SLC14A2: variants seen among roughly 807,000 people sequenced by gnomAD.
SLC14A2 encodes the protein urea transporter 2.
A neutral mutation model predicts 104.6 loss-of-function variants in SLC14A2; 91 were observed. That is an observed-to-expected ratio of 0.87 (90% CI 0.73 to 1.04). SLC14A2 has a LOEUF of 1.04. Among genes scored for constraint, SLC14A2 ranks in the 50% least tolerant of loss-of-function variants. The pLI, the probability that SLC14A2 is intolerant of heterozygous loss-of-function variation, is 0.00. For synonymous variants in SLC14A2, 476 were observed against 466.4 expected (o/e 1.02, Z -0.27); for missense variants, 1,189 against 1,156.0 (o/e 1.03, Z -0.41).
chr18:45,239,793 T>C (rs1358627230), intron 1 of SLC14A2, among the ~76,000 whole-genome samples: 1 of 152,154 alleles, frequency 6.6e-6, no homozygotes, highest in African/African-American at 2.4e-5. Flanking sequence ...AACATTCCAA[T>C]AGGAGCTAAC....
intron 1 of SLC14A2, among the ~76,000 whole-genome samples, chr18:45,324,943 G>A (rs909351247): frequency 2.6e-5 from 4 of 152,108 alleles, no homozygotes; most frequent in Admixed American, 6.5e-5. Flanking sequence ...CGGGACCTGC[G>A]GTGCGTTTTT....
chr18:45,493,211 G>A (rs528697036), intron 2 of SLC14A2: 1 of 152,322 alleles, frequency 6.6e-6, no homozygotes, highest in East Asian at 1.9e-4. Context: ...TTTTGTTGAA[G>A]ACAGACCTTA....
At chr18:45,465,478 T>C (rs904103739) in intron 1 of SLC14A2, among the ~76,000 whole-genome samples, 1 of 152,232 alleles carries the variant, frequency 6.6e-6, no homozygotes, top group South Asian at 2.1e-4. Flanking sequence ...TAGTCCATGA[T>C]GGAGGTGATC....
chr18:45,679,384 T>A (rs564402999), intron 19 of SLC14A2, among the ~76,000 whole-genome samples: 3 of 152,240 alleles, frequency 2.0e-5, no homozygotes, highest in Admixed American at 6.5e-5. Flanking sequence ...CCAGCATATA[T>A]CTTTGCCCCA....
chr18:45,560,578 CT>C (rs2044187925), intron 2 of SLC14A2, among the ~76,000 whole-genome samples: 1 of 152,162 alleles, frequency 6.6e-6, no homozygotes, highest in Admixed American at 6.5e-5. Flanking sequence ...AAACAATCCC[CT>C]TGCATTCTAA....
At chr18:45,336,855 A>G (rs1027883919) in intron 1 of SLC14A2, among the ~76,000 whole-genome samples, 1 of 152,140 alleles carries the variant, frequency 6.6e-6, no homozygotes, top group African/African-American at 2.4e-5. Context: ...CTCAAGGTCT[A>G]TTGGTTCAGG....
At chr18:45,276,546 A>G (rs1214392876) in intron 1 of SLC14A2, among the ~76,000 whole-genome samples, 2 of 152,230 alleles carry the variant, frequency 1.3e-5, no homozygotes, top group African/African-American at 4.8e-5. Context: ...CAGGAACATC[A>G]TTGATATCTG....
intron 4 of SLC14A2, among the ~76,000 whole-genome samples, chr18:45,628,331 C>G (rs2045293303): frequency 6.6e-6 from 1 of 151,690 alleles, no homozygotes; most frequent in South Asian, 2.1e-4. Flanking sequence ...GTTGTCCCAG[C>G]TACTTGGGAG....
At chr18:45,202,572 G>A in the SLC14A2 span, among the ~76,000 whole-genome samples, 8 of 152,268 alleles carry the variant, frequency 5.3e-5, no homozygotes, top group Non-Finnish European at 8.8e-5. Flanking sequence ...GGAGGAGAAT[G>A]AAATGAGGAT....
At chr18:45,180,760 T>A in the SLC14A2 span, among the ~76,000 whole-genome samples, 1 of 152,206 alleles carries the variant, frequency 6.6e-6, no homozygotes, top group Non-Finnish European at 1.5e-5. Flanking sequence ...AGTGAAATGA[T>A]ATTTTTGAAA....
At chr18:45,368,964 A>C (rs745957409) in intron 1 of SLC14A2, among the ~76,000 whole-genome samples, 60 of 152,346 alleles carry the variant, frequency 3.9e-4, no homozygotes, top group Non-Finnish European at 7.5e-4. Context: ...AGCCAAGAAG[A>C]AGCTCAGCAA....
chr18:45,539,732 C>T (rs2043856327), intron 2 of SLC14A2, among the ~76,000 whole-genome samples: 2 of 152,020 alleles, frequency 1.3e-5, no homozygotes, highest in African/African-American at 2.4e-5. Context: ...TTACATGTGA[C>T]GAAACCTTGC....
Position 45,669,410 on chromosome 18 carries a change from G to A in SLC14A2, c.2141G>A (p.Gly714Asp). 10 of 1,613,736 alleles carry A rather than the reference G, an allele frequency of 6.2e-6. No individual in the cohort carries two copies. Among genetic ancestry groups the A allele is most frequent in the Non-Finnish European group, 8.5e-6 (10 of 1,179,958 alleles). Residue 714 changes from glycine (G) to aspartate (D), a missense_variant, in exon 16 of 20, where the codon GGC becomes GAC. By Grantham distance (94) the Gly-to-Asp change is moderately conservative. Coordinates refer to ENST00000255226, the MANE Select transcript of SLC14A2 (RefSeq NM_007163.4). ...ITVTLYLAAT[G>D]HYNLFFPTTL... The stretch of plus-strand genomic sequence containing the variant: ...GTGACTTTGTACCTGGCAGCCACGG[G>A]CCACTACAACCTTTTCTTCCCCACA...
At chr18:45,475,340 A>G (rs891587877) in intron 1 of SLC14A2, among the ~76,000 whole-genome samples, 1 of 152,104 alleles carries the variant, frequency 6.6e-6, no homozygotes, top group Admixed American at 6.6e-5. Context: ...AGAAGAATGT[A>G]TATTCTGTTG....
rs1598881551 is a variant in SLC14A2 at position 45,475,717 on chromosome 18, C to T, written c.-124-7516C>T. On this transcript the variant is annotated intron_variant, in intron 1 of 20. Transcript: ENST00000586448. The stretch of plus-strand genomic sequence containing the variant: ...AGTTATCTCTTCTTGTTGCATTGAT[C>T]CCTTTACCATTATGTAATGCCCTTC... 2.3e-5 allele frequency among the ~76,000 whole-genome samples: 3 copies of T among 130,946 alleles called. 1 individual carries two copies. The South Asian group carries it at 7.4e-4, about 32-fold the overall frequency. The allele number at this position is 130,946 out of a possible 152,430, so 85.9% of individuals were successfully genotyped here. A position where few individuals can be genotyped will look rare whatever the true frequency, so the allele number is the denominator to read the frequency against.
chr18:45,643,693 C>T (rs112564647), intron 9 of SLC14A2, among the ~76,000 whole-genome samples: 1,754 of 152,214 alleles, frequency 0.012, 45 homozygotes, highest in African/African-American at 0.04. Context: ...ACCATCATGC[C>T]CAGCTGTCTT....
chr18:45,220,298 T>A (rs929927029), intron 1 of SLC14A2, among the ~76,000 whole-genome samples: 31 of 152,114 alleles, frequency 2.0e-4, no homozygotes, highest in African/African-American at 7.2e-4. Flanking sequence ...TGCAGGAGAG[T>A]CTGTCTGAGG....
intron 1 of SLC14A2, among the ~76,000 whole-genome samples, chr18:45,460,083 A>T (rs140558470): frequency 2.2e-4 from 34 of 152,346 alleles, no homozygotes; most frequent in African/African-American, 8.2e-4. Context: ...AGATAGAGCC[A>T]TTGGGTTCTG....
chr18:45,402,311 C>T (rs757537135), intron 1 of SLC14A2, among the ~76,000 whole-genome samples: 3 of 152,008 alleles, frequency 2.0e-5, no homozygotes, highest in African/African-American at 4.8e-5. Flanking sequence ...TTAATTATTC[C>T]GTATGAAGTA....
Sources: gnomAD v4.1 joint callset for allele counts (sites outside exome capture counted in the v4.1 genomes callset) on GRCh38, gnomAD v4.1.1 for gene constraint, MANE v1.5 for transcripts, NCBI Gene and HGNC (gene_info 2026-07-23, HGNC 2026-07-21) for gene names.